The following ANKFN1 variants were observed in gnomAD, a reference collection of about 807,000 sequenced individuals.
ANKFN1 encodes ankyrin repeat and fibronectin type III domain containing 1, also known as ankyrin repeat and fibronectin type-III domain-containing protein 1.
In ANKFN1, 74 loss-of-function variants were observed where a neutral mutation model predicts 108.7. The observed-to-expected ratio is 0.68, with a 90% confidence interval of 0.56 to 0.83. The LOEUF (loss-of-function observed/expected upper bound fraction) is 0.83, where lower values mean the gene tolerates loss of function less well. Ranked by LOEUF, ANKFN1 falls within the 40% of genes least tolerant of loss-of-function variation. The pLI, the probability that ANKFN1 is intolerant of heterozygous loss-of-function variation, is 0.00. For missense variants in ANKFN1, 1,505 were observed against 1,382.3 expected, an observed-to-expected ratio of 1.09 and a Z score of -1.41; for synonymous variants, 547 against 516.2, an observed-to-expected ratio of 1.06 and a Z score of -0.81.
intron 19 of ANKFN1, among the ~76,000 whole-genome samples, chr17:56,498,176 T>TA (rs1229616470): frequency 6.6e-6 from 1 of 152,152 alleles, no homozygotes; most frequent in Non-Finnish European, 1.5e-5. Context: ...ATTAAACTGT[T>TA]AAGGCCGTTT....
chr17:56,067,324 T>G lies in ANKFN1; in HGVS notation c.288+20999T>G, dbSNP rs146910218. Among the ~76,000 whole-genome samples the G allele has an allele frequency of 8.9e-4, 136 of 152,358 alleles. 2 individuals are homozygous for G. The East Asian group carries it at 0.022, about 25-fold the overall frequency. ...CTTTTTCCTTTCTTGACTGTGTTTA[T>G]TACAATATTTAAAATTATATGAGTA... On this transcript the variant is annotated intron_variant, in intron 4 of 12. Coordinates refer to the ANKFN1 transcript ENST00000635860.
intron 7 of ANKFN1, among the ~76,000 whole-genome samples, chr17:56,373,513 T>C (rs1301743594): frequency 6.6e-6 from 1 of 152,238 alleles, no homozygotes; most frequent in African/African-American, 2.4e-5. Context: ...AAGGAGATCG[T>C]AACTAAACAA....
At chr17:56,508,715 C>G (rs1237438278) in intron 20 of ANKFN1, among the ~76,000 whole-genome samples, 1 of 152,152 alleles carries the variant, frequency 6.6e-6, no homozygotes, top group Non-Finnish European at 1.5e-5. Flanking sequence ...TCCCTCTTTC[C>G]TATATACCTA....
chr17:56,065,304 G>C (rs141015323), intron 4 of ANKFN1, among the ~76,000 whole-genome samples: 6 of 152,162 alleles, frequency 3.9e-5, no homozygotes, highest in Non-Finnish European at 5.9e-5. Context: ...GAATGTTGTC[G>C]CTGGTTTTAT....
rs909971193 is a variant in ANKFN1 at position 56,140,824 on chromosome 17, C to T, written c.289-87093C>T. 2.0e-5 allele frequency among the ~76,000 whole-genome samples: 3 copies of T among 152,146 alleles called. No homozygotes were observed. In the East Asian group the frequency reaches 5.8e-4, roughly 29 times the overall value. On this transcript the variant is annotated intron_variant, in intron 4 of 12. Transcript: ENST00000635860. The stretch of plus-strand genomic sequence containing the variant: ...TATATCTCTTACCCTATGTTCACTA[C>T]TAATATATCATAGATATAACCTTTA...
intron 6 of ANKFN1, among the ~76,000 whole-genome samples, chr17:56,366,382 T>C (rs2144741145): frequency 6.6e-6 from 1 of 152,318 alleles, no homozygotes; most frequent in East Asian, 1.9e-4. Context: ...TGTCCATCTA[T>C]GCTAATTTAT....
At chr17:56,172,745 T>C (rs1217473286) in intron 1 of ANKFN1, among the ~76,000 whole-genome samples, 1 of 152,176 alleles carries the variant, frequency 6.6e-6, no homozygotes, top group Non-Finnish European at 1.5e-5. Context: ...CAGGGAGTGC[T>C]GGAGTGGGAG....
intron 20 of ANKFN1, among the ~76,000 whole-genome samples, chr17:56,504,108 AT>A (rs1448847079): frequency 6.6e-6 from 1 of 152,210 alleles, no homozygotes; most frequent in Non-Finnish European, 1.5e-5. Context: ...TGGGAGGGGT[AT>A]CCCACTCTAA....
intron 2 of ANKFN1, among the ~76,000 whole-genome samples, chr17:56,226,133 G>A (rs558166384): frequency 2.4e-4 from 36 of 152,216 alleles, no homozygotes; most frequent in Admixed American, 2.2e-3. Context: ...GGGGTGGGAG[G>A]AAATGTGTGT....
intron 4 of ANKFN1, among the ~76,000 whole-genome samples, chr17:56,047,390 C>T: frequency 6.6e-6 from 1 of 152,090 alleles, no homozygotes; most frequent in Non-Finnish European, 1.5e-5. Flanking sequence ...GGGAGGAGCA[C>T]TCTGCTTATC....
chr17:56,085,595 A>G (rs1422666031), intron 4 of ANKFN1, among the ~76,000 whole-genome samples: 1 of 151,266 alleles, frequency 6.6e-6, no homozygotes, highest in Non-Finnish European at 1.5e-5. Context: ...TTGTTATGGC[A>G]GCTTTAGGAA....
chr17:56,386,583 T>A (rs1301207573), intron 8 of ANKFN1, among the ~76,000 whole-genome samples: 3 of 11,598 alleles, frequency 2.6e-4, no homozygotes, highest in Non-Finnish European at 4.3e-4. Context: ...CTCATGAGTT[T>A]TTTTTTTTTT....
At chr17:56,048,391 T>G (rs1904716729) in intron 4 of ANKFN1, among the ~76,000 whole-genome samples, 1 of 152,238 alleles carries the variant, frequency 6.6e-6, no homozygotes, top group Non-Finnish European at 1.5e-5. Context: ...CAGACTCTTC[T>G]CTGAAACGTG....
intron 1 of ANKFN1, among the ~76,000 whole-genome samples, chr17:56,179,696 G>T (rs1911505195): frequency 6.6e-6 from 1 of 152,162 alleles, no homozygotes; most frequent in Non-Finnish European, 1.5e-5. Context: ...CACTTTACCA[G>T]TCCAAATCTT....
intron 3 of ANKFN1, among the ~76,000 whole-genome samples, chr17:56,243,172 T>C (rs1042213922): frequency 6.6e-6 from 1 of 152,110 alleles, no homozygotes; most frequent in African/African-American, 2.4e-5. Flanking sequence ...AGCATTGAAT[T>C]TCTTTGTGCT....
intron 4 of ANKFN1, among the ~76,000 whole-genome samples, chr17:56,332,569 C>T (rs1372030253): frequency 6.6e-6 from 1 of 152,096 alleles, no homozygotes; most frequent in Non-Finnish European, 1.5e-5. Context: ...TATTGAATTA[C>T]CTTGACATCT....
rs1306120315 is a variant in ANKFN1 at position 56,451,615 on chromosome 17, C to T, written c.1207+2429C>T. 2.0e-5 allele frequency among the ~76,000 whole-genome samples: 3 copies of T among 152,224 alleles called. No homozygotes were observed. The South Asian group carries it at 6.2e-4, about 32-fold the overall frequency. On this transcript the variant is annotated intron_variant, in intron 11 of 20. Transcript: ENST00000682825. The stretch of plus-strand genomic sequence containing the variant: ...CTGTGTATTATTGGGAAGAGGATTT[C>T]GCCTCTCTGATCCACAGTTTCTTGA...
chr17:56,117,236 A>G (rs985589443), intron 4 of ANKFN1, among the ~76,000 whole-genome samples: 2 of 152,170 alleles, frequency 1.3e-5, no homozygotes, highest in Non-Finnish European at 2.9e-5. Context: ...ATGGCCCTCA[A>G]TGACTATTTG....
chr17:56,259,967 G>C (rs1402523855), intron 3 of ANKFN1, among the ~76,000 whole-genome samples: 1 of 148,020 alleles, frequency 6.8e-6, no homozygotes, highest in East Asian at 2.0e-4. Context: ...ATTACTAAAA[G>C]GAAGTAACAT....
Sources: allele counts gnomAD v4.1 joint callset (sites outside exome capture counted in the v4.1 genomes callset), GRCh38; gene constraint gnomAD v4.1.1; transcripts MANE v1.5; gene names NCBI Gene and HGNC (gene_info 2026-07-23, HGNC 2026-07-21).